ADARB2: variants seen among roughly 807,000 people sequenced by gnomAD.
ADARB2 encodes the protein inactive double-stranded RNA-specific editase B2.
ADARB2 carries 25 observed loss-of-function variants against 62.2 expected under a neutral mutation model. That is an observed-to-expected ratio of 0.40 (90% CI 0.29 to 0.56). The LOEUF is 0.56. Ranked by LOEUF, ADARB2 falls within the 20% of genes least tolerant of loss-of-function variation. ADARB2 has a pLI of 0.43. For synonymous variants in ADARB2, 572 were observed against 500.8 expected (o/e 1.14, Z -1.90); for missense variants, 1,071 against 1,077.4 (o/e 0.99, Z 0.08).
At chr10:1,546,556 G>C (rs1832523807) in intron 1 of ADARB2, among the ~76,000 whole-genome samples, 1 of 152,228 alleles carries the variant, frequency 6.6e-6, no homozygotes, top group Non-Finnish European at 1.5e-5. Flanking sequence ...GCCACCACAA[G>C]TCACTGGAGA....
chr10:1,254,008 G>T (rs376828530), intron 4 of ADARB2, among the ~76,000 whole-genome samples: 115 of 151,632 alleles, frequency 7.6e-4, no homozygotes, highest in African/African-American at 2.2e-3. Flanking sequence ...TTAGAATACG[G>T]TGGGCTATGG....
chr10:1,462,749 A>C (rs528839360), intron 1 of ADARB2, among the ~76,000 whole-genome samples: 1 of 149,414 alleles, frequency 6.7e-6, no homozygotes, highest in African/African-American at 2.5e-5. Flanking sequence ...GCCTGTGTGT[A>C]TGTATGCATG....
chr10:1,571,679 T>G (rs1488476191), intron 1 of ADARB2, among the ~76,000 whole-genome samples: 3 of 147,252 alleles, frequency 2.0e-5, no homozygotes, highest in Non-Finnish European at 4.5e-5. Context: ...TGCAGGTGAG[T>G]GTGCAGGTGA....
At chr10:1,667,710 A>G (rs569810907) in intron 1 of ADARB2, among the ~76,000 whole-genome samples, 11 of 148,544 alleles carry the variant, frequency 7.4e-5, no homozygotes, top group Non-Finnish European at 1.6e-4. Flanking sequence ...AACAAGCAAG[A>G]AATGCTGCTC....
At chr10:1,645,499 G>A (rs540233822) in intron 1 of ADARB2, among the ~76,000 whole-genome samples, 1 of 152,346 alleles carries the variant, frequency 6.6e-6, no homozygotes, top group South Asian at 2.1e-4. Flanking sequence ...TTGACTTCTT[G>A]AAGTTTGCAA....
intron 1 of ADARB2, chr10:1,535,057 C>G (rs186341289): frequency 6.0e-6 from 1 of 166,986 alleles, no homozygotes; most frequent in African/African-American, 2.4e-5. Context: ...TGAGCTAGGA[C>G]GAGGCAACAG....
intron 1 of ADARB2, among the ~76,000 whole-genome samples, chr10:1,472,327 C>A (rs150747133): frequency 6.6e-6 from 1 of 152,178 alleles, no homozygotes; most frequent in Non-Finnish European, 1.5e-5. Flanking sequence ...AAGGGCCATG[C>A]GGCTCAGGGG....
chr10:1,466,284 C>A (rs778868601), intron 1 of ADARB2, among the ~76,000 whole-genome samples: 1 of 152,212 alleles, frequency 6.6e-6, no homozygotes, highest in African/African-American at 2.4e-5. Context: ...TCAGGCTCCT[C>A]GTGATAACAG....
chr10:1,263,244 C>G (rs1831161044), intron 4 of ADARB2, among the ~76,000 whole-genome samples: 1 of 152,100 alleles, frequency 6.6e-6, no homozygotes, highest in South Asian at 2.1e-4. Flanking sequence ...AACAAACCTG[C>G]ACGTTGTGCA....
intron 2 of ADARB2, among the ~76,000 whole-genome samples, chr10:1,364,541 A>T (rs1832296182): frequency 6.6e-6 from 1 of 152,232 alleles, no homozygotes; most frequent in African/African-American, 2.4e-5. Context: ...TGTATTCCTG[A>T]GTTCCCCATC....
In ADARB2 at chr10:1,541,795, C is replaced by T. The variant is rs1475684540; in HGVS notation, c.101-162635G>A. Reference sequence around the variant, plus strand: ...CAGTTCGGACCCTGGATCACAGCCGCCCAGACCGCACTCAGATGTAGTTCA... The same window carrying T: ...CAGTTCGGACCCTGGATCACAGCCGTCCAGACCGCACTCAGATGTAGTTCA... On this transcript the variant is annotated intron_variant, in intron 1 of 9. Coordinates refer to ENST00000381312, the MANE Select transcript of ADARB2 (RefSeq NM_018702.4). Among the ~76,000 whole-genome samples, 9 of 37,544 alleles carry T rather than the reference C, an allele frequency of 2.4e-4. 1 individual carries two copies. Among genetic ancestry groups the T allele is most frequent in the Non-Finnish European group, 2.9e-4 (6 of 20,718 alleles). The allele number at this position is 37,544 out of a possible 152,430, so 24.6% of individuals were successfully genotyped here.
At chr10:1,390,472 A>T (rs908356783) in intron 1 of ADARB2, among the ~76,000 whole-genome samples, 1 of 152,260 alleles carries the variant, frequency 6.6e-6, no homozygotes, top group Non-Finnish European at 1.5e-5. Flanking sequence ...TATTAAAAAC[A>T]ATTAAAAACC....
chr10:1,306,044 G>A (rs1831624441), intron 3 of ADARB2, among the ~76,000 whole-genome samples: 1 of 152,142 alleles, frequency 6.6e-6, no homozygotes. Context: ...ACATAGTGTT[G>A]GAAGTTCTGG....
intron 3 of ADARB2, among the ~76,000 whole-genome samples, chr10:1,283,434 T>C (rs566717409): frequency 1.3e-5 from 2 of 152,348 alleles, no homozygotes. Flanking sequence ...TTAATGGTAG[T>C]GTGCACAGCT....
chr10:1,392,516 CT>C (rs1774241962), intron 1 of ADARB2, among the ~76,000 whole-genome samples: 1 of 151,876 alleles, frequency 6.6e-6, no homozygotes, highest in African/African-American at 2.4e-5. Flanking sequence ...GTGGAATGCC[CT>C]GAGAAGCAAG....
At chr10:1,656,236 T>G (rs959151979) in intron 1 of ADARB2, among the ~76,000 whole-genome samples, 1 of 152,164 alleles carries the variant, frequency 6.6e-6, no homozygotes, top group Non-Finnish European at 1.5e-5. Context: ...AACTTTGAAA[T>G]AATCCCCCTT....
intron 1 of ADARB2, among the ~76,000 whole-genome samples, chr10:1,450,979 GC>G (rs1831028954): frequency 6.6e-6 from 1 of 152,232 alleles, no homozygotes; most frequent in African/African-American, 2.4e-5. Context: ...AGGCACAGCA[GC>G]CTTGAGAAAA....
At chr10:1,346,660 G>C (rs545556169) in intron 3 of ADARB2, among the ~76,000 whole-genome samples, 6 of 152,374 alleles carry the variant, frequency 3.9e-5, no homozygotes, top group African/African-American at 1.4e-4. Context: ...AAAGGCAAGA[G>C]CAAGGCCATC....
intron 1 of ADARB2, among the ~76,000 whole-genome samples, chr10:1,548,868 T>TA (rs1389867203): frequency 6.6e-6 from 1 of 152,040 alleles, no homozygotes; most frequent in East Asian, 1.9e-4. Flanking sequence ...ACAGTTTTAT[T>TA]AAAAGGGACA....
Sources: allele counts gnomAD v4.1 joint callset (sites outside exome capture counted in the v4.1 genomes callset), GRCh38; gene constraint gnomAD v4.1.1; transcripts MANE v1.5; gene names NCBI Gene and HGNC (gene_info 2026-07-23, HGNC 2026-07-21).